Variants in PIP5K1B observed in about 807,000 individuals in gnomAD.
PIP5K1B encodes the protein phosphatidylinositol-4-phosphate 5-kinase type 1 beta.
In PIP5K1B, 42 loss-of-function variants were observed where a neutral mutation model predicts 67.0. The observed-to-expected ratio is 0.63, with a 90% confidence interval of 0.49 to 0.81. The LOEUF is 0.81. PIP5K1B is among the 30% of genes least tolerant of loss of function. The pLI, the probability that PIP5K1B is intolerant of heterozygous loss-of-function variation, is 0.00. For synonymous variants in PIP5K1B, 214 were observed against 231.4 expected (o/e 0.92, Z 0.68); for missense variants, 459 against 646.3 (o/e 0.71, Z 3.14).
intron 5 of PIP5K1B, 84 bp downstream of exon 5, chr9:68,864,051 G>C: frequency 7.6e-7 from 1 of 1,316,328 alleles, no homozygotes; most frequent in Non-Finnish European, 1.1e-6. Context: ...TTTCTACTAT[G>C]TACATGTTTA....
intron 14 of PIP5K1B, among the ~76,000 whole-genome samples, chr9:68,987,220 C>A (rs554521262): frequency 1.3e-5 from 2 of 152,164 alleles, no homozygotes; most frequent in South Asian, 4.2e-4. Flanking sequence ...CCATTGCACT[C>A]CAGCCTGGGT....
chr9:68,721,102 G>A (rs527831832), intron 1 of PIP5K1B, among the ~76,000 whole-genome samples: 2 of 152,288 alleles, frequency 1.3e-5, no homozygotes, highest in Admixed American at 6.5e-5. Context: ...CTGGAGAGGT[G>A]TATCGGGCCA....
intron 14 of PIP5K1B, among the ~76,000 whole-genome samples, chr9:68,947,304 G>A (rs1396965438): frequency 6.6e-6 from 1 of 152,174 alleles, no homozygotes; most frequent in Non-Finnish European, 1.5e-5. Context: ...GGACAGTGGC[G>A]GAGGATGCTA....
intron 6 of PIP5K1B, among the ~76,000 whole-genome samples, chr9:68,879,705 AG>A (rs1472196971): frequency 6.6e-6 from 1 of 152,234 alleles, no homozygotes; most frequent in Non-Finnish European, 1.5e-5. Context: ...TAGATTTTAA[AG>A]ATAAATGCTT....
intron 14 of PIP5K1B, among the ~76,000 whole-genome samples, chr9:68,947,826 G>A (rs371492667): frequency 6.8e-4 from 104 of 152,302 alleles, no homozygotes; most frequent in African/African-American, 2.2e-3. Flanking sequence ...TGTGCTGGTT[G>A]TAAATACTCA....
At chr9:68,783,842 T>C (rs2132469331) in intron 2 of PIP5K1B, 1 of 167,234 alleles carries the variant, frequency 6.0e-6, no homozygotes, top group Middle Eastern at 3.4e-3. Flanking sequence ...AGTCATTCTT[T>C]TAAAATTGCG....
At chr9:68,891,233 G>A (rs1824769714) in intron 7 of PIP5K1B, among the ~76,000 whole-genome samples, 1 of 152,174 alleles carries the variant, frequency 6.6e-6, no homozygotes, top group Admixed American at 6.6e-5. Context: ...CTGGGAGACA[G>A]AGCAAAACCC....
chr9:68,877,856 T>C (rs547051775), intron 6 of PIP5K1B, among the ~76,000 whole-genome samples: 26 of 152,316 alleles, frequency 1.7e-4, no homozygotes, highest in Admixed American at 1.2e-3. Context: ...TCAATAAGTC[T>C]CCAAAGAATG....
At chr9:68,747,520 T>C (rs1321376518) in intron 2 of PIP5K1B, among the ~76,000 whole-genome samples, 2 of 152,116 alleles carry the variant, frequency 1.3e-5, no homozygotes, top group Non-Finnish European at 2.9e-5. Flanking sequence ...ACTTCCATTT[T>C]ATTATCTCAT....
At chr9:68,836,868 G>A (rs1834640684) in intron 4 of PIP5K1B, among the ~76,000 whole-genome samples, 1 of 152,208 alleles carries the variant, frequency 6.6e-6, no homozygotes, top group South Asian at 2.1e-4. Context: ...CCCTAGTGGG[G>A]ACACACAGTG....
chr9:68,810,431 A>T (rs1833100792), intron 2 of PIP5K1B, among the ~76,000 whole-genome samples: 1 of 152,210 alleles, frequency 6.6e-6, no homozygotes, highest in Admixed American at 6.5e-5. Context: ...CTTCCAATTC[A>T]TTCTTGTTGC....
chr9:68,764,386 CTTG>C (rs894433171), intron 2 of PIP5K1B, among the ~76,000 whole-genome samples: 34 of 151,978 alleles, frequency 2.2e-4, no homozygotes, highest in Non-Finnish European at 4.9e-4. Context: ...ATTTTCCTAA[CTTG>C]TTGTTTTAAT....
intron 5 of PIP5K1B, among the ~76,000 whole-genome samples, chr9:68,871,976 G>A (rs1443675401): frequency 1.3e-5 from 2 of 151,984 alleles, no homozygotes; most frequent in African/African-American, 2.4e-5. Flanking sequence ...AAACTGTGAG[G>A]AGTTCTACTC....
At chr9:68,991,815 C>T (rs1331552707) in intron 15 of PIP5K1B, among the ~76,000 whole-genome samples, 1 of 152,182 alleles carries the variant, frequency 6.6e-6, no homozygotes, top group East Asian at 1.9e-4. Flanking sequence ...ATGAGTGACC[C>T]TTTAGTGCCT....
chr9:68,741,814 G>A (rs565540101), intron 1 of PIP5K1B, among the ~76,000 whole-genome samples: 33 of 152,070 alleles, frequency 2.2e-4, no homozygotes, highest in African/African-American at 6.8e-4. Context: ...CCATGGGCCC[G>A]TTACATTTTG....
intron 8 of PIP5K1B, among the ~76,000 whole-genome samples, chr9:68,899,854 A>G (rs1018997429): frequency 6.6e-6 from 1 of 152,188 alleles, no homozygotes; most frequent in Non-Finnish European, 1.5e-5. Flanking sequence ...AGATTATTTC[A>G]TCACTCAGGT....
At chr9:69,000,202 G>T (rs1830761320) in intron 15 of PIP5K1B, among the ~76,000 whole-genome samples, 1 of 152,088 alleles carries the variant, frequency 6.6e-6, no homozygotes, top group South Asian at 2.1e-4. Context: ...TGTTTAGGCA[G>T]CAATTTTAAC....
chr9:68,929,651 C>CAGTTTTTTTTGTTTTTGTTTTTGTTTT (rs1826893963), intron 12 of PIP5K1B, among the ~76,000 whole-genome samples: 1 of 151,946 alleles, frequency 6.6e-6, no homozygotes, highest in South Asian at 2.1e-4. Context: ...GAACAACTTT[C>CAGTTTTTTTTGTTTTTGTTTTTGTTTT]AGTTTTTTTT....
At chr9:68,809,249 A>T (rs2132018793) in intron 2 of PIP5K1B, among the ~76,000 whole-genome samples, 1 of 152,242 alleles carries the variant, frequency 6.6e-6, no homozygotes, top group African/African-American at 2.4e-5. Flanking sequence ...ATAACCCAGC[A>T]CATTTTAAAC....
Sources: allele counts gnomAD v4.1 joint callset (sites outside exome capture counted in the v4.1 genomes callset), GRCh38; gene constraint gnomAD v4.1.1; transcripts MANE v1.5; gene names NCBI Gene and HGNC (gene_info 2026-07-23, HGNC 2026-07-21).